The following CSMD2 variants were observed in gnomAD, a reference collection of about 807,000 sequenced individuals.
The protein encoded by CSMD2 is CUB and sushi domain-containing protein 2.
In CSMD2, 130 loss-of-function variants were observed where a neutral mutation model predicts 398.5. The observed-to-expected ratio is 0.33, with a 90% CI of 0.28 to 0.38. The LOEUF (loss-of-function observed/expected upper bound fraction) is 0.38. Among genes scored for constraint, CSMD2 ranks in the 10% least tolerant of loss-of-function variants. The pLI, the probability that CSMD2 is intolerant of heterozygous loss-of-function variation, is 1.00. For synonymous variants in CSMD2, 1,828 were observed against 1,908.5 expected, an observed-to-expected ratio of 0.96 and a Z score of 1.10; for missense variants, 3,829 against 4,764.9, an observed-to-expected ratio of 0.80 and a Z score of 5.78.
At chr1:33,823,647 A>G (rs1262909129) in intron 7 of CSMD2, among the ~76,000 whole-genome samples, 4 of 152,144 alleles carry the variant, frequency 2.6e-5, no homozygotes, top group African/African-American at 7.2e-5. Flanking sequence ...CACTCTCCCC[A>G]TGAACTTCAG....
At chr1:33,664,282 A>G in intron 25 of CSMD2, among the ~76,000 whole-genome samples, 1 of 152,224 alleles carries the variant, frequency 6.6e-6, no homozygotes, top group East Asian at 1.9e-4. Flanking sequence ...TGTTCCCTCA[A>G]AATGAGACAT....
intron 5 of CSMD2, among the ~76,000 whole-genome samples, chr1:33,886,813 A>G (rs1018026928): frequency 4.6e-5 from 7 of 152,232 alleles, no homozygotes; most frequent in Non-Finnish European, 8.8e-5. Flanking sequence ...TGTTTAGAAA[A>G]TAAAACCTCT....
chr1:33,946,147 C>T (rs562127710), intron 3 of CSMD2, among the ~76,000 whole-genome samples: 57 of 152,280 alleles, frequency 3.7e-4, no homozygotes, highest in Admixed American at 1.0e-3. Flanking sequence ...GCAGGAGAAA[C>T]CTGCTTAACC....
chr1:33,774,218 G>A (rs1047646169), intron 12 of CSMD2, among the ~76,000 whole-genome samples: 2 of 151,928 alleles, frequency 1.3e-5, no homozygotes, highest in Non-Finnish European at 2.9e-5. Context: ...TGTGCCAGGT[G>A]TGAGGCATCT....
chr1:33,577,178 A>T (rs1638324749), intron 49 of CSMD2, 118 bp downstream of exon 49: 1 of 952,568 alleles, frequency 1.0e-6, no homozygotes, highest in South Asian at 1.8e-5. Flanking sequence ...GCTTGTGGAA[A>T]GAATGAAATA....
chr1:33,795,100 C>T (rs866490781), intron 10 of CSMD2, among the ~76,000 whole-genome samples: 16 of 124,422 alleles, frequency 1.3e-4, no homozygotes, highest in Admixed American at 3.2e-4. Context: ...CAAGGTGAGG[C>T]GGGATGTAAG....
chr1:34,126,803 A>AGAT (rs1553325073), intron 1 of CSMD2, among the ~76,000 whole-genome samples: 141,925 of 150,976 alleles, frequency 0.94, 66,990 homozygotes, highest in East Asian at 1. Flanking sequence ...AGAGAGACAT[A>AGAT]GGGGAGAGAG....
At chr1:34,157,230 T>C (rs1640886726) in intron 1 of CSMD2, among the ~76,000 whole-genome samples, 1 of 152,088 alleles carries the variant, frequency 6.6e-6, no homozygotes, top group Admixed American at 6.5e-5. Context: ...CTGCTGGAAA[T>C]TTCACAATTC....
chr1:33,622,148 C>G lies in CSMD2; in HGVS notation c.5827+19G>C. ...GTCCCACCCTGAACCCTGTACCAGCCAAGACCCTGGATTCTCACTTTTGTA... is the reference window on the plus strand; with the variant it reads ...GTCCCACCCTGAACCCTGTACCAGCGAAGACCCTGGATTCTCACTTTTGTA... On this transcript the variant is annotated intron_variant, in intron 37 of 70. Transcript: ENST00000373381. 6.3e-7 allele frequency: 1 copy of G among 1,589,344 alleles called. No homozygotes were observed. The highest frequency in any genetic ancestry group is 1.3e-5 in the African/African-American group (1 of 74,544).
At chr1:33,823,707 G>A (rs556137469) in intron 7 of CSMD2, among the ~76,000 whole-genome samples, 1 of 152,318 alleles carries the variant, frequency 6.6e-6, no homozygotes, top group Non-Finnish European at 1.5e-5. Flanking sequence ...CCAGCCACCT[G>A]AAGACATGTG....
At chr1:33,717,864 G>GC (rs1646224656) in intron 19 of CSMD2, among the ~76,000 whole-genome samples, 1 of 151,762 alleles carries the variant, frequency 6.6e-6, no homozygotes, top group African/African-American at 2.4e-5. Flanking sequence ...GGAGGAGGGA[G>GC]CTCCAGTAAG....
chr1:33,586,366 GACA>G (rs1183396572), intron 46 of CSMD2, 135 bp downstream of exon 46: 12 of 601,518 alleles, frequency 2.0e-5, no homozygotes, highest in Non-Finnish European at 3.4e-5. Context: ...TCATCCATCA[GACA>G]ACATTTACCA....
At chr1:34,116,196 T>C (rs1473988695) in intron 1 of CSMD2, among the ~76,000 whole-genome samples, 1 of 152,080 alleles carries the variant, frequency 6.6e-6, no homozygotes, top group African/African-American at 2.4e-5. Flanking sequence ...AACTATATGC[T>C]GTCTACAAGA....
chr1:33,752,327 G>T (rs1055209864), intron 13 of CSMD2, among the ~76,000 whole-genome samples: 4 of 152,132 alleles, frequency 2.6e-5, no homozygotes, highest in Admixed American at 2.6e-4. Context: ...GTGAATTTTT[G>T]TTCTGGTAGT....
chr1:33,702,789 G>A (rs552020528), intron 22 of CSMD2, among the ~76,000 whole-genome samples: 1 of 152,082 alleles, frequency 6.6e-6, no homozygotes, highest in Non-Finnish European at 1.5e-5. Flanking sequence ...GGCACATAAG[G>A]CTCACTCAGT....
chr1:33,680,918 CTT>C (rs66489770), intron 25 of CSMD2, among the ~76,000 whole-genome samples: 8 of 75,938 alleles, frequency 1.1e-4, no homozygotes, highest in South Asian at 1.2e-3. Context: ...CTGTTTTATG[CTT>C]TTTTTTTTTT....
chr1:33,922,161 A>G (rs1643963649), intron 4 of CSMD2, among the ~76,000 whole-genome samples: 1 of 152,100 alleles, frequency 6.6e-6, no homozygotes. Flanking sequence ...AGATGGGGAT[A>G]CCTATGGGCC....
chr1:33,600,252 C>A, intron 44 of CSMD2: 1 of 694,646 alleles, frequency 1.4e-6, no homozygotes, highest in South Asian at 1.6e-5. Context: ...CTGTAAATTG[C>A]AAATATGTGC....
At chr1:34,033,931 T>A (rs922738120) in intron 2 of CSMD2, among the ~76,000 whole-genome samples, 1 of 152,054 alleles carries the variant, frequency 6.6e-6, no homozygotes, top group African/African-American at 2.4e-5. Context: ...TAACTCAGAA[T>A]AGACTCAAGA....
Sources: gnomAD v4.1 joint callset for allele counts (sites outside exome capture counted in the v4.1 genomes callset) on GRCh38, gnomAD v4.1.1 for gene constraint, MANE v1.5 for transcripts, NCBI Gene and HGNC (gene_info 2026-07-23, HGNC 2026-07-21) for gene names.